The following HSP90AA1 variants were observed in gnomAD, a reference collection of about 807,000 sequenced individuals.
HSP90AA1 encodes heat shock protein 90 alpha family class A member 1, also known as heat shock protein HSP 90-alpha.
HSP90AA1 carries 18 observed loss-of-function variants against 73.3 expected under a neutral mutation model. That is an observed-to-expected ratio of 0.25 (90% CI 0.17 to 0.36). The LOEUF is 0.36. Ranked by LOEUF, HSP90AA1 falls within the 10% of genes least tolerant of loss-of-function variation. HSP90AA1 has a pLI of 1.00. For synonymous variants in HSP90AA1, 477 were observed against 296.9 expected (o/e 1.61, Z -6.24); for missense variants, 704 against 874.2 (o/e 0.81, Z 2.45).
chr14:102,089,788 G>C (rs1448549774), upstream of HSP90AA1, among the ~76,000 whole-genome samples: 2 of 152,052 alleles, frequency 1.3e-5, no homozygotes, highest in African/African-American at 4.8e-5. Context: ...AACGGATCTG[G>C]CACTGAGTCC....
At chr14:102,083,517 T>C (rs897277353) in intron 8 of HSP90AA1, 29 bp downstream of exon 8, 1 of 1,607,700 alleles carries the variant, frequency 6.2e-7, no homozygotes, top group East Asian at 2.2e-5. Context: ...AAGAACGACG[T>C]GTATGACTGT....
chr14:102,113,882 T>C (rs2049674474), intron 1 of HSP90AA1, among the ~76,000 whole-genome samples: 1 of 151,998 alleles, frequency 6.6e-6, no homozygotes. Context: ...CGCTAATTTT[T>C]TCTATTTTTA....
chr14:102,086,024 G>T lies in HSP90AA1; in HGVS notation c.263C>A (p.Thr88Asn), dbSNP rs531569720. Residue 88 changes from threonine to asparagine, a missense_variant, in exon 3 of 11, where the codon ACT becomes AAT. Transcript: ENST00000216281. ...AATTCCAGTATCCACAATAGTGAGA[G>T]TTCGATCTTGTTTGTTCGGTATAAG... The part of the protein sequence containing the change: ...INLIPNKQDR[T>N]LTIVDTGIGM... The T allele has an allele frequency of 6.2e-7, 1 of 1,613,828 alleles. No individual in the cohort carries two copies. The highest frequency in any genetic ancestry group is 8.5e-7 in the Non-Finnish European group (1 of 1,179,866).
chr14:102,134,309 C>A (rs971308484), intron 1 of HSP90AA1, among the ~76,000 whole-genome samples: 8 of 108,026 alleles, frequency 7.4e-5, no homozygotes, highest in Non-Finnish European at 1.0e-4. Flanking sequence ...GGCGACAGAG[C>A]AAGGCTCTGT....
chr14:102,137,344 G>C (rs924718841), intron 1 of HSP90AA1, among the ~76,000 whole-genome samples: 3 of 151,574 alleles, frequency 2.0e-5, no homozygotes, highest in African/African-American at 7.3e-5. Flanking sequence ...TTTATTTCCT[G>C]AGATGGAGTC....
chr14:102,114,142 AGCACACTGG>A (rs2049678721), intron 1 of HSP90AA1, among the ~76,000 whole-genome samples: 2 of 152,100 alleles, frequency 1.3e-5, no homozygotes, highest in Non-Finnish European at 2.9e-5. Context: ...GGCGTGCGCT[AGCACACTGG>A]GCTAATTTTT....
chr14:102,100,542 C>T (rs950520655), intron 2 of HSP90AA1, among the ~76,000 whole-genome samples: 5 of 151,358 alleles, frequency 3.3e-5, no homozygotes, highest in African/African-American at 9.7e-5. Context: ...TCTCCTGCCT[C>T]AGCATCCCGA....
At chr14:102,092,290 C>T (rs2049369273) in intron 2 of HSP90AA1, among the ~76,000 whole-genome samples, 1 of 151,770 alleles carries the variant, frequency 6.6e-6, no homozygotes, top group South Asian at 2.1e-4. Flanking sequence ...AGGCTGGTCT[C>T]AAACTCCTGG....
At chr14:102,130,312 G>A (rs2049893335) in intron 1 of HSP90AA1, among the ~76,000 whole-genome samples, 1 of 152,106 alleles carries the variant, frequency 6.6e-6, no homozygotes, top group Non-Finnish European at 1.5e-5. Context: ...ACATACGATT[G>A]GAATTGCTGG....
intron 1 of HSP90AA1, among the ~76,000 whole-genome samples, chr14:102,105,517 G>A (rs745393658): frequency 2.0e-5 from 3 of 152,178 alleles, no homozygotes; most frequent in Non-Finnish European, 4.4e-5. Flanking sequence ...GACCGTGTGT[G>A]CAAAGGCACA....
chr14:102,089,626 G>T (rs559318572), upstream of HSP90AA1, among the ~76,000 whole-genome samples: 21 of 152,142 alleles, frequency 1.4e-4, no homozygotes, highest in African/African-American at 5.1e-4. Context: ...TAGAACTTGT[G>T]TGCAGATGAC....
At chr14:102,135,202 G>GCAGCTAGATA (rs2049973010) in intron 1 of HSP90AA1, among the ~76,000 whole-genome samples, 2 of 152,088 alleles carry the variant, frequency 1.3e-5, no homozygotes, top group Non-Finnish European at 1.5e-5. Context: ...CCCCACCAGA[G>GCAGCTAGATA]CAGCTAGATA....
At chr14:102,139,427 C>T in exon 1 of HSP90AA1, 2 of 1,521,134 alleles carry the variant, frequency 1.3e-6, no homozygotes, top group Non-Finnish European at 1.8e-6. Context: ...TAGGGTACCC[C>T]GCGTGCTGGC....
At chr14:102,101,890 T>C (rs746161704) in exon 2 of HSP90AA1, 1 of 1,613,802 alleles carries the variant, frequency 6.2e-7, no homozygotes, top group Non-Finnish European at 8.5e-7. Context: ...GCCTAAGCAA[T>C]ATAAATGGCT....
Position 102,084,744 on chromosome 14 carries a change from A to G in HSP90AA1, c.918T>C (p.Asn306=), listed in dbSNP as rs760932184. ...TCTTATAGAATTCTCCGTACTCCTCATTAGTAATATCGTCGGGATTTCTGG... is the reference window on the plus strand; with the variant it reads ...TCTTATAGAATTCTCCGTACTCCTCGTTAGTAATATCGTCGGGATTTCTGG... ...IWTRNPDDIT[N]EEYGEFYKSL... Residue 306 remains asparagine, a synonymous_variant, in exon 5 of 11, where the codon AAT becomes AAC. Transcript: ENST00000216281. 7 of 1,614,004 alleles carry G rather than the reference A, an allele frequency of 4.3e-6. No homozygotes were observed. The Admixed American group carries it at 8.3e-5, about 19-fold the overall frequency.
intron 1 of HSP90AA1, among the ~76,000 whole-genome samples, chr14:102,107,724 T>C (rs999785802): frequency 1.3e-5 from 2 of 152,010 alleles, no homozygotes; most frequent in African/African-American, 2.4e-5. Context: ...ACAGCTGGTG[T>C]GGCTGTTCTG....
chr14:102,085,774 T>C lies in HSP90AA1; in HGVS notation c.513A>G (p.Thr171=), dbSNP rs763201534. 2.5e-6 allele frequency: 4 copies of C among 1,613,856 alleles called. No homozygotes were observed. ...GGTGCCTACCTGTGTCTGTCCTCAC[T>C]GTGAATGATCCCCCTGCTGAGGACT... ...AWESSAGGSF[T]VRTDTGEPMG... Residue 171 remains threonine, a synonymous_variant, in exon 3 of 11, where the codon ACA becomes ACG. Coordinates refer to ENST00000216281, the MANE Select transcript of HSP90AA1 (RefSeq NM_005348.4).
upstream of HSP90AA1, among the ~76,000 whole-genome samples, chr14:102,088,907 CT>C (rs887578558): frequency 0.028 from 1,551 of 55,114 alleles, 31 homozygotes; most frequent in African/African-American, 0.053. Flanking sequence ...TTTTTCTTTT[CT>C]TTTTTTTTTT....
chr14:102,121,985 G>A (rs2049783336), intron 1 of HSP90AA1, among the ~76,000 whole-genome samples: 1 of 152,008 alleles, frequency 6.6e-6, no homozygotes, highest in South Asian at 2.1e-4. Flanking sequence ...ATATCCTATG[G>A]CTTCTGAATT....
Sources: allele counts gnomAD v4.1 joint callset (sites outside exome capture counted in the v4.1 genomes callset), GRCh38; gene constraint gnomAD v4.1.1; transcripts MANE v1.5; gene names NCBI Gene and HGNC (gene_info 2026-07-23, HGNC 2026-07-21).